Variants in CDK5RAP3 observed in about 807,000 individuals in gnomAD.
CDK5RAP3 encodes CDK5 regulatory subunit-associated protein 3.
Under a neutral mutation model 73.3 loss-of-function variants are expected in CDK5RAP3, and 58 were observed. The observed-to-expected ratio is 0.79, with a 90% confidence interval of 0.64 to 0.98. The LOEUF (loss-of-function observed/expected upper bound fraction) is 0.98. CDK5RAP3 is among the 50% of genes least tolerant of loss of function. The pLI is 0.00. For synonymous variants in CDK5RAP3, 224 were observed against 247.5 expected, an observed-to-expected ratio of 0.91 and a Z score of 0.89; for missense variants, 525 against 615.8, an observed-to-expected ratio of 0.85 and a Z score of 1.56.
chr17:47,975,073 AC>A, intron 5 of CDK5RAP3, 85 bp from the exon 6 acceptor site: 2 of 1,612,130 alleles, frequency 1.2e-6, no homozygotes, highest in Non-Finnish European at 1.7e-6. Flanking sequence ...CGTGCTCTTC[AC>A]CACCACAAAG....
chr17:47,976,471 C>A, intron 8 of CDK5RAP3: 1 of 419,682 alleles, frequency 2.4e-6, no homozygotes, highest in Admixed American at 3.9e-5. Context: ...GCGATCCTCC[C>A]AAGTCAGCCT....
Position 47,974,386 on chromosome 17 carries a change from C to G in CDK5RAP3, c.286-14C>G. 6.2e-7 allele frequency: 1 copy of G among 1,610,596 alleles called. No homozygotes were observed. Among genetic ancestry groups the G allele is most frequent in the East Asian group, 2.2e-5 (1 of 44,876 alleles). The stretch of plus-strand genomic sequence containing the variant: ...GCTTTTCTGGCTTAACATTGTTTTT[C>G]TGTTCTTACTCAGGATTGGCAGGAG... On this transcript the variant is annotated splice_polypyrimidine_tract_variant and intron_variant, in intron 4 of 13. Transcript: ENST00000338399.
In CDK5RAP3 at chr17:47,975,661, G is replaced by A. The variant is rs781434034; in HGVS notation, c.653+8G>A. The A allele has an allele frequency of 3.8e-6, 6 of 1,589,848 alleles. No individual in the cohort carries two copies. The highest frequency in any genetic ancestry group is 4.3e-6 in the Non-Finnish European group (5 of 1,171,460). On this transcript the variant is annotated splice_region_variant and intron_variant, in intron 7 of 13. Coordinates refer to ENST00000338399, the MANE Select transcript of CDK5RAP3 (RefSeq NM_176096.3). ...GGGGTTTGTGTGTGAGAGGTAGAGAGGCCTCAGCTTCTCCTGGTGGGGGTG... is the reference window on the plus strand; with the variant it reads ...GGGGTTTGTGTGTGAGAGGTAGAGAAGCCTCAGCTTCTCCTGGTGGGGGTG...
intron 2 of CDK5RAP3, 116 bp from the exon 3 acceptor site, chr17:47,973,403 A>T: frequency 8.3e-7 from 1 of 1,211,942 alleles, no homozygotes; most frequent in Non-Finnish European, 1.2e-6. Flanking sequence ...TGACCCCCAT[A>T]CTTTAACCAA....
intron 4 of CDK5RAP3, 72 bp from the exon 5 acceptor site, chr17:47,974,328 T>C: frequency 3.1e-6 from 4 of 1,288,662 alleles, no homozygotes; most frequent in Non-Finnish European, 4.5e-6. Flanking sequence ...ACTTACCCTG[T>C]TTAGGGATTG....
chr17:47,977,886 A>C lies in CDK5RAP3; in HGVS notation c.964A>C (p.Thr322Pro). The C allele has an allele frequency of 6.2e-7, 1 of 1,614,048 alleles. No homozygotes were observed. Among genetic ancestry groups the C allele is most frequent in the Non-Finnish European group, 8.5e-7 (1 of 1,179,988 alleles). The change falls in exon 10 of 14, where the codon ACA (threonine) becomes CCA (proline). Residue 322 changes from threonine to proline, a missense_variant. By Grantham distance (38) the Thr-to-Pro change is conservative (BLOSUM62 -1). This residue lies in a region of CDK5RAP3 where 409 missense variants were observed against 429.8 expected (regional missense o/e 0.95). Transcript: ENST00000338399. ...AGACGATGCTGTTGCTTTGCAGATC[A>C]CAGTGCTGGAAGCAGGAACCCAGGG... ...WGDDAVALQI[T>P]VLEAGTQAPE...
At chr17:47,970,874 AC>A, upstream of CDK5RAP3, 1 of 1,419,326 alleles carries the variant, frequency 7.0e-7, no homozygotes, top group Non-Finnish European at 9.4e-7. Context: ...GCTGCAGCGC[AC>A]CCCCTCCCGT....
At position 47,975,656 on chromosome 17, in the gene CDK5RAP3, A is replaced by G. The variant is rs1332917730; in HGVS notation, c.653+3A>G. ...TCTGTGGGGTTTGTGTGTGAGAGGT[A>G]GAGAGGCCTCAGCTTCTCCTGGTGG... is the stretch of plus-strand genomic sequence containing the variant. On this transcript the variant is annotated splice_donor_region_variant and intron_variant, in intron 7 of 13. Transcript: ENST00000338399. The G allele has an allele frequency of 6.3e-7, 1 of 1,594,182 alleles. No homozygotes were observed. The highest frequency in any genetic ancestry group is 1.1e-5 in the South Asian group (1 of 90,400).
Position 47,974,440 on chromosome 17 carries a change from C to T in CDK5RAP3, c.326C>T (p.Thr109Ile). ...ATAGCTCTGTATGAGAAGGACAACA[C>T]CTACTTAGGTAAAGTGGCCCGGCCT... ...EIIALYEKDN[T>I]YLVELSSLLV... The change falls in exon 5 of 14, where the codon ACC (threonine) becomes ATC (isoleucine). Residue 109 changes from threonine (T) to isoleucine (I), a missense_variant. Physicochemically the swap from Thr to Ile is moderately conservative, Grantham distance 89. Coordinates refer to ENST00000338399, the MANE Select transcript of CDK5RAP3 (RefSeq NM_176096.3). 6.2e-7 allele frequency: 1 copy of T among 1,614,198 alleles called. No homozygotes were observed. The highest frequency in any genetic ancestry group is 8.5e-7 in the Non-Finnish European group (1 of 1,180,014).
chr17:47,971,214 G>A, intron 1 of CDK5RAP3, 62 bp downstream of exon 1: 1 of 1,528,958 alleles, frequency 6.5e-7, no homozygotes, highest in East Asian at 2.5e-5. Context: ...TGTGTCTCCG[G>A]TCTCCCTCCG....
Position 47,974,433 on chromosome 17 carries a change from G to A in CDK5RAP3, c.319G>A (p.Asp107Asn), listed in dbSNP as rs776895997. 36 of 1,614,170 alleles carry A rather than the reference G, an allele frequency of 2.2e-5. No homozygotes were observed. The highest frequency in any genetic ancestry group is 3.0e-5 in the Non-Finnish European group (35 of 1,180,016). ...GGAGATTATAGCTCTGTATGAGAAG[G>A]ACAACACCTACTTAGGTAAAGTGGC... ...WQEIIALYEK[D>N]NTYLVELSSL... Residue 107 changes from aspartate (D) to asparagine (N), a missense_variant, in exon 5 of 14, where the codon GAC becomes AAC. By Grantham distance (23) the Asp-to-Asn change is conservative. Around this residue, in one of 2 missense-constraint regions of CDK5RAP3, gnomAD observed 409 missense variants for 429.8 expected, o/e 0.95. Transcript: ENST00000338399.
intron 2 of CDK5RAP3, among the ~76,000 whole-genome samples, chr17:47,973,247 C>T (rs546086106): frequency 9.9e-5 from 15 of 152,150 alleles, no homozygotes; most frequent in Non-Finnish European, 2.1e-4. Flanking sequence ...TCAAAAGTGG[C>T]ACTTTCAGGA....
chr17:47,978,919 T>C lies in CDK5RAP3; in HGVS notation c.1077+2T>C, dbSNP rs745688199. Reference sequence around the variant, plus strand: ...CAGTTCCTTGATGAGCTCATGGAGGTACTGTCATCTCTGGAAGATGCAGGG... The same window carrying C: ...CAGTTCCTTGATGAGCTCATGGAGGCACTGTCATCTCTGGAAGATGCAGGG... On this transcript the variant is annotated splice_donor_variant, in intron 11 of 13. Transcript: ENST00000338399. LOFTEE classifies it high-confidence loss of function. The C allele has an allele frequency of 6.2e-7, 1 of 1,609,322 alleles. No homozygotes were observed. Among genetic ancestry groups the C allele is most frequent in the Admixed American group, 1.7e-5 (1 of 59,994 alleles).
chr17:47,981,235 G>T lies in CDK5RAP3; in HGVS notation c.1356G>T (p.Glu452Asp). 6.2e-7 allele frequency: 1 copy of T among 1,614,256 alleles called. No individual in the cohort carries two copies. Among genetic ancestry groups the T allele is most frequent in the Non-Finnish European group, 8.5e-7 (1 of 1,180,040 alleles). ...KQSQLLALKK[E>D]LMVQKQQEAL... The stretch of plus-strand genomic sequence containing the variant: ...CCCAGCTGCTGGCTTTGAAGAAAGA[G>T]CTGATGGTGCAGAAGCAGCAGGAGG... Residue 452 changes from glutamate (E) to aspartate (D), a missense_variant, in exon 13 of 14, where the codon GAG (glutamate) becomes GAT (aspartate). By Grantham distance (45) the Glu-to-Asp change is conservative (BLOSUM62 2). Transcript: ENST00000338399.
chr17:47,978,598 A>G, intron 10 of CDK5RAP3: 1 of 520,720 alleles, frequency 1.9e-6, no homozygotes, highest in South Asian at 2.5e-5. Flanking sequence ...CGGCCTTTCT[A>G]CCCCTCTGAA....
intron 1 of CDK5RAP3, 47 bp from the exon 2 acceptor site, chr17:47,971,315 T>C (rs745759161): frequency 1.3e-6 from 2 of 1,591,250 alleles, no homozygotes; most frequent in Non-Finnish European, 1.7e-6. Context: ...GAGTGGTACG[T>C]CCTCTCTCCG....
chr17:47,978,410 A>T (rs1029679488), intron 10 of CDK5RAP3: 3 of 169,594 alleles, frequency 1.8e-5, no homozygotes, highest in African/African-American at 7.2e-5. Context: ...GAAACTCTCA[A>T]CTTTTTAGAG....
chr17:47,971,464 C>G (rs965634820), intron 2 of CDK5RAP3, 57 bp downstream of exon 2: 6 of 1,491,538 alleles, frequency 4.0e-6, no homozygotes, highest in Non-Finnish European at 5.4e-6. Context: ...TGCGTTGCCC[C>G]CTGTGTCCAA....
intron 11 of CDK5RAP3, chr17:47,980,280 C>T: frequency 2.5e-5 from 7 of 281,704 alleles, no homozygotes; most frequent in Admixed American, 4.9e-5. Flanking sequence ...TTCTTTCTTC[C>T]TTTTTTTTTA....
Sources: allele counts gnomAD v4.1 joint callset (sites outside exome capture counted in the v4.1 genomes callset), GRCh38; gene constraint gnomAD v4.1.1; regional missense constraint gnomAD v4.1.1; transcripts MANE v1.5; gene names NCBI Gene and HGNC (gene_info 2026-07-23, HGNC 2026-07-21).